DYNC1I1: variants seen among roughly 807,000 people sequenced by gnomAD.
DYNC1I1 encodes cytoplasmic dynein 1 intermediate chain 1.
Under a neutral mutation model 86.6 loss-of-function variants are expected in DYNC1I1, and 43 were observed. That is an observed-to-expected ratio of 0.50 (90% CI 0.39 to 0.64). The LOEUF (loss-of-function observed/expected upper bound fraction) is 0.64, where lower values mean the gene tolerates loss of function less well. DYNC1I1 is among the 30% of genes least tolerant of loss of function. The pLI is 0.00. For synonymous variants in DYNC1I1, 262 were observed against 283.7 expected (o/e 0.92, Z 0.77); for missense variants, 604 against 788.8 (o/e 0.77, Z 2.81).
At chr7:96,013,704 T>C (rs1388298910) in intron 10 of DYNC1I1, among the ~76,000 whole-genome samples, 2 of 152,088 alleles carry the variant, frequency 1.3e-5, no homozygotes, top group Admixed American at 1.3e-4. Context: ...AGTGATCCTC[T>C]GGCCTTGGCC....
intron 5 of DYNC1I1, among the ~76,000 whole-genome samples, chr7:95,847,325 T>C (rs904917494): frequency 2.6e-5 from 4 of 152,182 alleles, no homozygotes; most frequent in Admixed American, 2.6e-4. Context: ...AGATCTTTTC[T>C]CTGGCTGCTC....
At chr7:95,804,257 T>C (rs113575625) in intron 1 of DYNC1I1, 2 of 621,556 alleles carry the variant, frequency 3.2e-6, no homozygotes, top group Non-Finnish European at 4.4e-6. Flanking sequence ...GGAATGTTTA[T>C]TGAGTCCATA....
intron 6 of DYNC1I1, among the ~76,000 whole-genome samples, chr7:95,929,212 T>C (rs1034002369): frequency 6.6e-6 from 1 of 152,164 alleles, no homozygotes; most frequent in African/African-American, 2.4e-5. Flanking sequence ...ATGCCTAGAA[T>C]ATCCCTTTCC....
At chr7:95,894,356 C>T (rs1422785734) in intron 6 of DYNC1I1, among the ~76,000 whole-genome samples, 1 of 151,960 alleles carries the variant, frequency 6.6e-6, no homozygotes, top group African/African-American at 2.4e-5. Context: ...GGCAAGGGAT[C>T]TCTCTAGGGT....
chr7:96,064,220 C>A (rs199877295), intron 14 of DYNC1I1, among the ~76,000 whole-genome samples: 4 of 87,630 alleles, frequency 4.6e-5, no homozygotes, highest in Middle Eastern at 0.011. Context: ...ATCTCTCTCT[C>A]TCTCTCTCTC....
intron 6 of DYNC1I1, among the ~76,000 whole-genome samples, chr7:95,936,954 T>TCA (rs1491214381): frequency 1.5e-4 from 5 of 32,572 alleles, no homozygotes; most frequent in East Asian, 1.9e-3. Context: ...AAAGAATATG[T>TCA]CTCACACACA....
intron 6 of DYNC1I1, among the ~76,000 whole-genome samples, chr7:95,970,531 C>T (rs984671862): frequency 6.6e-6 from 1 of 152,124 alleles, no homozygotes; most frequent in African/African-American, 2.4e-5. Flanking sequence ...CTAGCATCAG[C>T]AGTGCCTTGG....
Position 96,035,652 on chromosome 7 carries a change from C to A in DYNC1I1, c.1264C>A (p.Pro422Thr). The A allele has an allele frequency of 1.2e-6, 2 of 1,610,780 alleles. No homozygotes were observed. Among genetic ancestry groups the A allele is most frequent in the Non-Finnish European group, 1.7e-6 (2 of 1,178,712 alleles). The part of the protein sequence containing the change: ...SMELVYNKSK[P>T]VAVTGMAFPT... Reference sequence around the variant, plus strand: ...GGAGCTGGTGTACAATAAGTCCAAGCCTGTCGCTGTTACCGGAATGGCTTT... The same window carrying A: ...GGAGCTGGTGTACAATAAGTCCAAGACTGTCGCTGTTACCGGAATGGCTTT... The change falls in exon 13 of 17, where the codon CCT becomes ACT. Residue 422 changes from proline (P) to threonine (T), a missense_variant. Transcript: ENST00000447467.
chr7:95,940,588 A>G (rs947587510), intron 6 of DYNC1I1, among the ~76,000 whole-genome samples: 3 of 152,138 alleles, frequency 2.0e-5, no homozygotes, highest in African/African-American at 4.8e-5. Context: ...AGTTGATCGC[A>G]TCAGCTCCTG....
chr7:95,786,223 A>G (rs1172750412), intron 1 of DYNC1I1, among the ~76,000 whole-genome samples: 2 of 152,148 alleles, frequency 1.3e-5, no homozygotes, highest in African/African-American at 2.4e-5. Context: ...GCGCCCTGCC[A>G]CCTCAAACCC....
chr7:95,852,467 G>A (rs116240994), intron 5 of DYNC1I1, among the ~76,000 whole-genome samples: 1,844 of 151,702 alleles, frequency 0.012, 22 homozygotes, highest in African/African-American at 0.042. Context: ...TCAATCTTTT[G>A]TACTGTTTTT....
intron 4 of DYNC1I1, chr7:95,818,592 T>G (rs1269487487): frequency 1.6e-6 from 1 of 612,824 alleles, no homozygotes; most frequent in Non-Finnish European, 3.0e-6. Context: ...GGGATCCTCC[T>G]GCCTCTCCCT....
At chr7:95,822,449 A>G (rs1197006612) in intron 4 of DYNC1I1, among the ~76,000 whole-genome samples, 1 of 152,218 alleles carries the variant, frequency 6.6e-6, no homozygotes, top group Non-Finnish European at 1.5e-5. Context: ...CAGAGGCTAC[A>G]ATGTTTTTGA....
At chr7:95,979,472 A>G (rs1333070810) in intron 7 of DYNC1I1, among the ~76,000 whole-genome samples, 94 of 152,320 alleles carry the variant, frequency 6.2e-4, no homozygotes, top group Non-Finnish European at 3.8e-4. Flanking sequence ...GCCTGGGTCT[A>G]TAACTGGTTT....
chr7:96,060,727 G>A (rs954647166), intron 14 of DYNC1I1, among the ~76,000 whole-genome samples: 4 of 151,992 alleles, frequency 2.6e-5, no homozygotes, highest in Non-Finnish European at 4.4e-5. Context: ...TGCATGTGTT[G>A]GGGAAAGGAG....
chr7:95,895,906 T>C (rs1790871208), intron 6 of DYNC1I1, among the ~76,000 whole-genome samples: 1 of 152,226 alleles, frequency 6.6e-6, no homozygotes, highest in African/African-American at 2.4e-5. Flanking sequence ...AAGCGGGGCC[T>C]GCTAGCCCTG....
chr7:95,817,906 A>G (rs978984165), intron 4 of DYNC1I1, among the ~76,000 whole-genome samples: 2 of 152,192 alleles, frequency 1.3e-5, no homozygotes, highest in African/African-American at 4.8e-5. Flanking sequence ...AGGGTTCGCA[A>G]TGACAGAGCT....
chr7:96,110,022 A>C, exon 17 of DYNC1I1: 1 of 419,216 alleles, frequency 2.4e-6, no homozygotes, highest in Non-Finnish European at 4.7e-6. Flanking sequence ...TCCTGGACTC[A>C]AGCAATCCTC....
At chr7:96,017,854 C>T (rs1794440290) in intron 10 of DYNC1I1, among the ~76,000 whole-genome samples, 1 of 152,126 alleles carries the variant, frequency 6.6e-6, no homozygotes, top group Non-Finnish European at 1.5e-5. Flanking sequence ...AGCATTTTCT[C>T]CCAAAGTGGC....
Sources: allele counts gnomAD v4.1 joint callset (sites outside exome capture counted in the v4.1 genomes callset), GRCh38; gene constraint gnomAD v4.1.1; transcripts MANE v1.5; gene names NCBI Gene and HGNC (gene_info 2026-07-23, HGNC 2026-07-21).